The following HAUS6 variants were observed in gnomAD, a reference collection of about 807,000 sequenced individuals.
HAUS6 encodes HAUS augmin-like complex subunit 6.
A neutral mutation model predicts 106.8 loss-of-function variants in HAUS6; 80 were observed. That is an observed-to-expected ratio of 0.75 (90% confidence interval 0.63 to 0.90). HAUS6 has a LOEUF of 0.90. HAUS6 is among the 40% of genes least tolerant of loss of function. The pLI is 0.00. For synonymous variants in HAUS6, 356 were observed against 379.1 expected (o/e 0.94, Z 0.71); for missense variants, 1,155 against 1,118.1 (o/e 1.03, Z -0.47).
At position 19,096,775 on chromosome 9, in the gene HAUS6, G is replaced by A; in HGVS notation, c.129-6C>T. Reference sequence around the variant, plus strand: ...TCAGCTTGTCAAACATGTTCCTAGTGGTTAAAAATGAAATAGAAATAGAAA... The same window carrying A: ...TCAGCTTGTCAAACATGTTCCTAGTAGTTAAAAATGAAATAGAAATAGAAA... On this transcript the variant is annotated splice_polypyrimidine_tract_variant and splice_region_variant and intron_variant, in intron 1 of 16. Coordinates refer to ENST00000380502, the MANE Select transcript of HAUS6 (RefSeq NM_017645.5). 7.4e-7 allele frequency: 1 copy of A among 1,354,552 alleles called. No homozygotes were observed. The highest frequency in any genetic ancestry group is 1.0e-6 in the Non-Finnish European group (1 of 983,812). The allele number at this position is 1,354,552 out of a possible 1,614,324, so 83.9% of individuals were successfully genotyped here.
At chr9:19,063,789 T>G in intron 12 of HAUS6, 1 of 724,770 alleles carries the variant, frequency 1.4e-6, no homozygotes, top group South Asian at 1.4e-5. Context: ...GCCTCCCAAT[T>G]ATGAAGACTT....
At position 19,062,559 on chromosome 9, in the gene HAUS6, A is replaced by G. The variant is rs573812048; in HGVS notation, c.1629+449T>C. Among the ~76,000 whole-genome samples, 7 of 152,344 alleles carry G rather than the reference A, an allele frequency of 4.6e-5. No homozygotes were observed. In the South Asian group the frequency reaches 1.2e-3, roughly 27 times the overall value. On this transcript the variant is annotated intron_variant, in intron 14 of 16. Coordinates refer to ENST00000380502, the MANE Select transcript of HAUS6 (RefSeq NM_017645.5). ...GAGGAAGACCAATTTTGCTTTAACC[A>G]TAATTTTTATTATCTGTAGCCTTCT...
intron 5 of HAUS6, among the ~76,000 whole-genome samples, chr9:19,088,259 T>C (rs1219044595): frequency 6.7e-6 from 1 of 150,118 alleles, no homozygotes; most frequent in African/African-American, 2.5e-5. Flanking sequence ...TACTAAAAAA[T>C]ACAAAAATTA....
chr9:19,076,831 G>C lies in HAUS6; in HGVS notation c.1192-127C>G, dbSNP rs1023086672. On this transcript the variant is annotated intron_variant, in intron 10 of 16. Transcript: ENST00000380502. ...AGTCAGAATTACCAAGAATGTATCA[G>C]ATAACTATTTTTATTTATTTATTTT... 1.3e-5 allele frequency: 8 copies of C among 599,038 alleles called. No homozygotes were observed. In the East Asian group the frequency reaches 1.8e-4, roughly 13 times the overall value. The allele number at this position is 599,038 out of a possible 1,614,324, so 37.1% of individuals were successfully genotyped here.
In HAUS6 at chr9:19,102,888, A is replaced by G. The variant is rs1440619871; in HGVS notation, c.-237T>C. 2 of 388,530 alleles carry G rather than the reference A, an allele frequency of 5.1e-6. No homozygotes were observed. The highest frequency in any genetic ancestry group is 9.3e-6 in the Non-Finnish European group (2 of 214,478). The allele number at this position is 388,530 out of a possible 1,614,324, so 24.1% of individuals were successfully genotyped here. ...GCCTCAGCGAAGCCACCACAAACCGAGACTCCCGCCCTTAAGGAAGAGCAG... is the reference window on the plus strand; with the variant it reads ...GCCTCAGCGAAGCCACCACAAACCGGGACTCCCGCCCTTAAGGAAGAGCAG... On this transcript the variant is annotated 5_prime_UTR_variant, in exon 1 of 17. Transcript: ENST00000380502.
rs1564024829 is a variant in HAUS6, at chr9:19,102,561, C to T, written c.91G>A (p.Ala31Thr). 4 of 1,613,896 alleles carry T rather than the reference C, an allele frequency of 2.5e-6. No homozygotes were observed. Among genetic ancestry groups the T allele is most frequent in the Non-Finnish European group, 2.5e-6 (3 of 1,179,874 alleles). The change falls in exon 1 of 17, where the codon GCC (alanine) becomes ACC (threonine). Residue 31 changes from alanine (A) to threonine (T), a missense_variant. By Grantham distance (58) the Ala-to-Thr change is moderately conservative. Around this residue, in one of 3 missense-constraint regions of HAUS6, gnomAD observed 761 missense variants for 690.0 expected, o/e 1.10. Transcript: ENST00000380502. The stretch of plus-strand genomic sequence containing the variant: ...GTGTGCGACACGATCTTTCCGCAGG[C>T]AATGGTTGCCGGGCCTGGCTCGAAG... ...LGFEPGPATI[A>T]CGKIVSHTHL...
intron 7 of HAUS6, among the ~76,000 whole-genome samples, chr9:19,084,776 G>A (rs1267637470): frequency 6.6e-6 from 1 of 151,670 alleles, no homozygotes; most frequent in Admixed American, 6.6e-5. Flanking sequence ...GGGACTACAG[G>A]TGAGTACCAC....
chr9:19,086,951 T>C (rs1215007919), intron 6 of HAUS6, 140 bp downstream of exon 6: 18 of 629,366 alleles, frequency 2.9e-5, no homozygotes, highest in Non-Finnish European at 1.7e-5. Flanking sequence ...TTAGCAGTCA[T>C]AACTATGCTC....
intron 7 of HAUS6, among the ~76,000 whole-genome samples, chr9:19,086,324 G>A (rs1468958319): frequency 7.4e-6 from 1 of 135,036 alleles, no homozygotes; most frequent in African/African-American, 2.8e-5. Flanking sequence ...GGAGGGGAGG[G>A]GGAAGGGGAA....
At chr9:19,069,758 G>A (rs531271855) in intron 12 of HAUS6, among the ~76,000 whole-genome samples, 1 of 151,926 alleles carries the variant, frequency 6.6e-6, no homozygotes, top group African/African-American at 2.4e-5. Context: ...TTGGAAACTG[G>A]TTTAAGATGG....
intron 12 of HAUS6, among the ~76,000 whole-genome samples, chr9:19,069,344 G>C (rs1211123599): frequency 6.6e-6 from 1 of 152,110 alleles, no homozygotes; most frequent in African/African-American, 2.4e-5. Context: ...CATAAATGTT[G>C]GATCTTTTCT....
Position 19,053,152 on chromosome 9 carries a change from A to T in HAUS6, c.*3191T>A, listed in dbSNP as rs1442915926. On this transcript the variant is annotated 3_prime_UTR_variant, in exon 17 of 17. Transcript: ENST00000380502. ...AAATTCCAGAGCCAGATAGTATAAAATATTTATTGAAAACAACAGTATTTA... is the reference window on the plus strand; with the variant it reads ...AAATTCCAGAGCCAGATAGTATAAATTATTTATTGAAAACAACAGTATTTA... 6.6e-6 allele frequency: 1 copy of T among 152,178 alleles called. No homozygotes were observed. The highest frequency in any genetic ancestry group is 2.4e-5 in the African/African-American group (1 of 41,456). 9.4% of individuals were successfully genotyped at this position (152,178 alleles called of 1,614,324 possible).
In HAUS6 at chr9:19,056,081, A is replaced by G; in HGVS notation, c.*262T>C. The G allele has an allele frequency of 2.6e-6, 1 of 382,848 alleles. No individual in the cohort carries two copies. Among genetic ancestry groups the G allele is most frequent in the Non-Finnish European group, 4.7e-6 (1 of 213,890 alleles). The allele number at this position is 382,848 out of a possible 1,614,324, so 23.7% of individuals were successfully genotyped here. A position where few individuals can be genotyped will look rare whatever the true frequency, so the allele number is the denominator to read the frequency against. On this transcript the variant is annotated 3_prime_UTR_variant, in exon 17 of 17. Coordinates refer to ENST00000380502, the MANE Select transcript of HAUS6 (RefSeq NM_017645.5). ...CTTAATGCTTACAAGATTACTCAAG[A>G]AATCAAAATGGCTTCCCATTGCTTG...
At chr9:19,077,916 C>T (rs921638448) in intron 10 of HAUS6, among the ~76,000 whole-genome samples, 3 of 151,938 alleles carry the variant, frequency 2.0e-5, no homozygotes, top group Non-Finnish European at 4.4e-5. Flanking sequence ...AAAAAATTAG[C>T]CAGGCTTGGT....
intron 14 of HAUS6, among the ~76,000 whole-genome samples, chr9:19,061,360 C>T (rs6475315): frequency 0.4 from 61,369 of 152,002 alleles, 13,942 homozygotes; most frequent in African/African-American, 0.63. Flanking sequence ...CTATCTGATC[C>T]CATTGCTAAT....
chr9:19,063,280 T>C (rs1836671750), intron 13 of HAUS6, 87 bp from the exon 14 acceptor site: 1 of 871,724 alleles, frequency 1.1e-6, no homozygotes, highest in African/African-American at 1.7e-5. Context: ...CTGGTTATCA[T>C]GAACCTATAA....
At chr9:19,065,432 A>G (rs1046051153) in intron 12 of HAUS6, among the ~76,000 whole-genome samples, 1 of 152,270 alleles carries the variant, frequency 6.6e-6, no homozygotes, top group African/African-American at 2.4e-5. Context: ...AGAAAATTCA[A>G]GTCTACAAAT....
At chr9:19,063,609 G>A in intron 12 of HAUS6, 29 bp from the exon 13 acceptor site, 1 of 1,456,034 alleles carries the variant, frequency 6.9e-7, no homozygotes, top group Non-Finnish European at 9.7e-7. Flanking sequence ...ACAAATCCAA[G>A]TTATAAGGAG....
intron 9 of HAUS6, among the ~76,000 whole-genome samples, chr9:19,078,749 T>TTGCACTCCA (rs952864426): frequency 6.0e-5 from 9 of 150,922 alleles, no homozygotes; most frequent in Non-Finnish European, 1.5e-5. Flanking sequence ...GATCGTGCCA[T>TTGCACTCCA]TGCACTCCAT....
Sources: allele counts gnomAD v4.1 joint callset (sites outside exome capture counted in the v4.1 genomes callset), GRCh38; gene constraint gnomAD v4.1.1; regional missense constraint gnomAD v4.1.1; transcripts MANE v1.5; gene names NCBI Gene and HGNC (gene_info 2026-07-23, HGNC 2026-07-21).